The following DLGAP2 variants were observed in gnomAD, a reference collection of about 807,000 sequenced individuals.
DLGAP2 encodes the protein DLG associated protein 2, also known as disks large-associated protein 2.
DLGAP2 carries 26 observed loss-of-function variants against 100.3 expected under a neutral mutation model. That is an observed-to-expected ratio of 0.26 (90% CI 0.19 to 0.36). DLGAP2 has a LOEUF of 0.36. Ranked by LOEUF, DLGAP2 falls within the 10% of genes least tolerant of loss-of-function variation. The pLI, the probability that DLGAP2 is intolerant of heterozygous loss-of-function variation, is 1.00. For synonymous variants in DLGAP2, 886 were observed against 630.1 expected, an observed-to-expected ratio of 1.41 and a Z score of -6.08; for missense variants, 1,858 against 1,453.2, an observed-to-expected ratio of 1.28 and a Z score of -4.53.
chr8:1,533,108 G>A (rs972243256), intron 4 of DLGAP2, among the ~76,000 whole-genome samples: 1 of 147,460 alleles, frequency 6.8e-6, no homozygotes, highest in African/African-American at 2.5e-5. Flanking sequence ...GTTAAAAAAT[G>A]TGCAGTTGTT....
chr8:1,433,726 AG>A, intron 3 of DLGAP2, among the ~76,000 whole-genome samples: 1 of 141,712 alleles, frequency 7.1e-6, no homozygotes, highest in East Asian at 2.2e-4. Flanking sequence ...TACACAGATG[AG>A]GCAAAACTGG....
intron 3 of DLGAP2, among the ~76,000 whole-genome samples, chr8:1,271,851 A>G (rs531088538): frequency 2.8e-4 from 42 of 152,308 alleles, no homozygotes; most frequent in African/African-American, 7.7e-4. Flanking sequence ...CTCTTGTTCT[A>G]TCACCCAGGC....
chr8:1,349,057 T>A (rs1034756805), intron 3 of DLGAP2, among the ~76,000 whole-genome samples: 1 of 151,816 alleles, frequency 6.6e-6, no homozygotes, highest in Admixed American at 6.6e-5. Context: ...ATGCGGCCAC[T>A]TGCTCCTGCC....
chr8:1,354,349 T>A (rs1801800688), intron 3 of DLGAP2, among the ~76,000 whole-genome samples: 1 of 151,944 alleles, frequency 6.6e-6, no homozygotes, highest in South Asian at 2.1e-4. Context: ...CTTCTAAAAA[T>A]ACAAAAAATA....
chr8:1,307,132 A>C (rs566479292), intron 3 of DLGAP2, among the ~76,000 whole-genome samples: 2 of 151,984 alleles, frequency 1.3e-5, no homozygotes, highest in Non-Finnish European at 2.9e-5. Flanking sequence ...TCAAAATTCA[A>C]ATCATATATC....
At chr8:1,487,182 G>T (rs148069268) in intron 3 of DLGAP2, among the ~76,000 whole-genome samples, 1 of 152,196 alleles carries the variant, frequency 6.6e-6, no homozygotes, top group Non-Finnish European at 1.5e-5. Flanking sequence ...GATGCCTTAG[G>T]CATGATTGGT....
chr8:1,127,559 A>G (rs1796196504), intron 2 of DLGAP2, among the ~76,000 whole-genome samples: 1 of 152,194 alleles, frequency 6.6e-6, no homozygotes, highest in South Asian at 2.1e-4. Flanking sequence ...ACCCTCCTGC[A>G]TCCGATGGAC....
At chr8:1,025,772 G>A (rs942031879) in intron 2 of DLGAP2, among the ~76,000 whole-genome samples, 4 of 152,202 alleles carry the variant, frequency 2.6e-5, no homozygotes, top group Admixed American at 1.3e-4. Context: ...CCTAACGGGG[G>A]TTCTGAGAGA....
chr8:1,254,800 C>G (rs1330378043), intron 2 of DLGAP2, among the ~76,000 whole-genome samples: 1 of 152,166 alleles, frequency 6.6e-6, no homozygotes, highest in East Asian at 1.9e-4. Flanking sequence ...CTGGCCCACG[C>G]AGTTCACTGC....
intron 8 of DLGAP2, among the ~76,000 whole-genome samples, chr8:1,651,566 A>C (rs972348529): frequency 1.6e-4 from 24 of 152,220 alleles, no homozygotes; most frequent in African/African-American, 5.1e-4. Context: ...TGGGGCGTCC[A>C]TCCCTTCTGG....
chr8:971,446 G>A (rs1240447617), intron 2 of DLGAP2, among the ~76,000 whole-genome samples: 1 of 152,212 alleles, frequency 6.6e-6, no homozygotes, highest in African/African-American at 2.4e-5. Flanking sequence ...GCAACCAGCA[G>A]ATGGATGCAG....
intron 3 of DLGAP2, among the ~76,000 whole-genome samples, chr8:1,453,382 A>G (rs967355761): frequency 6.6e-6 from 1 of 152,204 alleles, no homozygotes; most frequent in African/African-American, 2.4e-5. Context: ...TCTGAGAAAG[A>G]AAGACAGCCC....
intron 1 of DLGAP2, among the ~76,000 whole-genome samples, chr8:870,674 G>A (rs1317120608): frequency 6.6e-6 from 1 of 151,990 alleles, no homozygotes; most frequent in Non-Finnish European, 1.5e-5. Context: ...TCCAGCTTTT[G>A]GATCTGCCGC....
intron 2 of DLGAP2, among the ~76,000 whole-genome samples, chr8:1,062,688 T>C (rs1158304018): frequency 6.6e-6 from 1 of 152,108 alleles, no homozygotes; most frequent in Non-Finnish European, 1.5e-5. Flanking sequence ...TTCTTATAAG[T>C]AAAGCACTCA....
At chr8:756,206 G>C (rs1049257594) in intron 1 of DLGAP2, among the ~76,000 whole-genome samples, 2 of 152,062 alleles carry the variant, frequency 1.3e-5, no homozygotes, top group East Asian at 1.9e-4. Flanking sequence ...GCTGGCGTCT[G>C]GGGGGGATAC....
At chr8:1,124,746 T>G (rs554703627) in intron 2 of DLGAP2, among the ~76,000 whole-genome samples, 1 of 152,224 alleles carries the variant, frequency 6.6e-6, no homozygotes, top group South Asian at 2.1e-4. Context: ...ATTGCTGTCA[T>G]CTGAAATGCC....
intron 2 of DLGAP2, among the ~76,000 whole-genome samples, chr8:1,048,263 G>C (rs1343014784): frequency 6.6e-6 from 1 of 152,144 alleles, no homozygotes; most frequent in Non-Finnish European, 1.5e-5. Context: ...AGTCCTGTGA[G>C]GCTGTCGTCT....
rs189832774 is a variant in DLGAP2 at position 946,454 on chromosome 8, G to C, written c.73+38488G>C. Among the ~76,000 whole-genome samples, 119 of 151,862 alleles carry C rather than the reference G, an allele frequency of 7.8e-4. 3 individuals carry two copies. Among genetic ancestry groups the C allele is most frequent in the Admixed American group, 3.9e-3 (59 of 15,246 alleles). On this transcript the variant is annotated intron_variant, in intron 2 of 14. Transcript: ENST00000637795. Reference sequence around the variant, plus strand: ...AATTTTTTGTAGTTTTTGTAGAGACGGGGTTTCACCATATTAGCCAGGATG... The same window carrying C: ...AATTTTTTGTAGTTTTTGTAGAGACCGGGTTTCACCATATTAGCCAGGATG...
intron 1 of DLGAP2, among the ~76,000 whole-genome samples, chr8:862,320 T>C (rs1417678237): frequency 2.6e-5 from 4 of 151,240 alleles, no homozygotes; most frequent in Admixed American, 2.6e-4. Flanking sequence ...TTTTTTTTCT[T>C]GAGACGTAGT....
Sources: allele counts gnomAD v4.1 joint callset (sites outside exome capture counted in the v4.1 genomes callset), GRCh38; gene constraint gnomAD v4.1.1; transcripts MANE v1.5; gene names NCBI Gene and HGNC (gene_info 2026-07-23, HGNC 2026-07-21).